Variants in ZDHHC21 observed in about 807,000 individuals in gnomAD.
ZDHHC21 encodes palmitoyltransferase ZDHHC21.
ZDHHC21 carries 15 observed loss-of-function variants against 34.6 expected under a neutral mutation model. The observed-to-expected ratio is 0.43, with a 90% CI of 0.29 to 0.67. The LOEUF is 0.67. Ranked by LOEUF, ZDHHC21 falls within the 30% of genes least tolerant of loss-of-function variation. The pLI is 0.14. For missense variants in ZDHHC21, 344 were observed against 327.7 expected (o/e 1.05, Z -0.38); for synonymous variants, 142 against 101.8 (o/e 1.40, Z -2.38).
At chr9:14,596,487 G>C in the ZDHHC21 span, among the ~76,000 whole-genome samples, 9 of 152,290 alleles carry the variant, frequency 5.9e-5, no homozygotes, top group African/African-American at 2.2e-4. Flanking sequence ...TGTGTTGTTG[G>C]CCACCTCTCC....
chr9:14,654,933 G>C (rs1831917977), intron 7 of ZDHHC21, among the ~76,000 whole-genome samples: 2 of 151,806 alleles, frequency 1.3e-5, no homozygotes, highest in Non-Finnish European at 2.9e-5. Context: ...ATTGAGCAGA[G>C]GTAATATTTG....
At chr9:14,596,665 A>T in the ZDHHC21 span, among the ~76,000 whole-genome samples, 1 of 152,186 alleles carries the variant, frequency 6.6e-6, no homozygotes, top group African/African-American at 2.4e-5. Flanking sequence ...CTATTGCTTC[A>T]TTCCTGGAAA....
chr9:14,614,838 T>C lies in ZDHHC21; in HGVS notation c.*4128A>G, dbSNP rs1268413915. 6.6e-6 allele frequency: 1 copy of C among 151,698 alleles called. No individual in the cohort carries two copies. Among genetic ancestry groups the C allele is most frequent in the East Asian group, 1.9e-4 (1 of 5,190 alleles). 9.4% of individuals were successfully genotyped at this position (151,698 alleles called of 1,614,324 possible). A position where few individuals can be genotyped will look rare whatever the true frequency, so the allele number is the denominator to read the frequency against. On this transcript the variant is annotated 3_prime_UTR_variant, in exon 10 of 10. Coordinates refer to ENST00000380916, the MANE Select transcript of ZDHHC21 (RefSeq NM_178566.6). Reference sequence around the variant, plus strand: ...TTGTATCTATTAGCAAACTACTCAATGTTTGTATGTGTGAATTTTATCAAA... The same window carrying C: ...TTGTATCTATTAGCAAACTACTCAACGTTTGTATGTGTGAATTTTATCAAA...
chr9:14,598,361 A>G, the ZDHHC21 span, among the ~76,000 whole-genome samples: 1 of 152,180 alleles, frequency 6.6e-6, no homozygotes, highest in Admixed American at 6.5e-5. Flanking sequence ...CACCCATAGA[A>G]ATAATACGAC....
chr9:14,607,499 G>T (rs943978373), downstream of ZDHHC21, among the ~76,000 whole-genome samples: 1 of 151,844 alleles, frequency 6.6e-6, no homozygotes, highest in African/African-American at 2.4e-5. Flanking sequence ...GAAGGAAGGG[G>T]AGTGCAATGA....
intron 7 of ZDHHC21, among the ~76,000 whole-genome samples, chr9:14,648,675 T>C (rs896197872): frequency 2.6e-5 from 4 of 152,120 alleles, no homozygotes; most frequent in African/African-American, 7.2e-5. Flanking sequence ...TCTTCTCTAA[T>C]TGGAACGTAA....
At chr9:14,640,112 T>C (rs1829063095) in intron 7 of ZDHHC21, 100 bp from the exon 8 acceptor site, 3 of 593,044 alleles carry the variant, frequency 5.1e-6, no homozygotes, top group East Asian at 2.7e-5. Context: ...ATCTTCCTTA[T>C]TATCTTAAAA....
chr9:14,683,706 C>T (rs1162379687), intron 2 of ZDHHC21: 4 of 152,244 alleles, frequency 2.6e-5, no homozygotes, highest in Non-Finnish European at 1.5e-5. Flanking sequence ...TTTTATGAGG[C>T]CAGCATCATC....
chr9:14,617,643 A>T lies in ZDHHC21; in HGVS notation c.*1323T>A, dbSNP rs894486420. 3.9e-5 allele frequency: 6 copies of T among 152,024 alleles called. No homozygotes were observed. The highest frequency in any genetic ancestry group is 1.4e-4 in the African/African-American group (6 of 41,440). 9.4% of individuals were successfully genotyped at this position (152,024 alleles called of 1,614,324 possible). ...GGGTTTTGCAGTATTCTAATGGAAA[A>T]AAACTAAAAGCTGAGTTTTTTTCAA... On this transcript the variant is annotated 3_prime_UTR_variant, in exon 10 of 10. Coordinates refer to ENST00000380916, the MANE Select transcript of ZDHHC21 (RefSeq NM_178566.6).
intron 3 of ZDHHC21, chr9:14,677,549 C>T (rs1206533367): frequency 6.6e-6 from 1 of 152,018 alleles, no homozygotes; most frequent in Non-Finnish European, 1.5e-5. Flanking sequence ...TCATAAAATA[C>T]TTTCATTAGC....
At chr9:14,665,193 TGAA>T (rs1378183938) in intron 5 of ZDHHC21, among the ~76,000 whole-genome samples, 1 of 136,208 alleles carries the variant, frequency 7.3e-6, no homozygotes, top group Non-Finnish European at 1.6e-5. Flanking sequence ...GAGAACTACG[TGAA>T]GAATGCAGAA....
the ZDHHC21 span, among the ~76,000 whole-genome samples, chr9:14,593,240 C>A: frequency 1.3e-5 from 2 of 151,894 alleles, no homozygotes; most frequent in African/African-American, 4.8e-5. Context: ...AATTGACAAA[C>A]CTTTAAGTAC....
chr9:14,633,375 C>G (rs745739349), intron 8 of ZDHHC21, among the ~76,000 whole-genome samples: 24 of 152,150 alleles, frequency 1.6e-4, no homozygotes, highest in Non-Finnish European at 3.4e-4. Context: ...AACATTCCCA[C>G]TGCAGACTCC....
chr9:14,632,417 C>A (rs1015967793), intron 8 of ZDHHC21, among the ~76,000 whole-genome samples: 1 of 151,630 alleles, frequency 6.6e-6, no homozygotes, highest in African/African-American at 2.4e-5. Context: ...AAAGATGGAC[C>A]CCTACTTCAC....
chr9:14,590,819 G>A, the ZDHHC21 span, among the ~76,000 whole-genome samples: 1 of 152,096 alleles, frequency 6.6e-6, no homozygotes, highest in African/African-American at 2.4e-5. Flanking sequence ...AAGAGCACCA[G>A]AAATGATAAA....
chr9:14,664,230 G>C (rs925533789), intron 5 of ZDHHC21, among the ~76,000 whole-genome samples: 2 of 152,152 alleles, frequency 1.3e-5, no homozygotes, highest in African/African-American at 4.8e-5. Flanking sequence ...CCCTTTCCGA[G>C]TCAAAGAAAG....
At chr9:14,671,292 CTCTCA>C (rs1835396249) in intron 5 of ZDHHC21, among the ~76,000 whole-genome samples, 1 of 151,998 alleles carries the variant, frequency 6.6e-6, no homozygotes, top group South Asian at 2.1e-4. Context: ...TTTTAAAAGA[CTCTCA>C]TTTTAAGGGA....
chr9:14,672,925 A>C lies in ZDHHC21; in HGVS notation c.158T>G (p.Phe53Cys). ...GHIPGILIII[F>C]YGISIFCLVA... Reference sequence around the variant, plus strand: ...CAGACAGAATATGGAAATGCCATAGAATACTTTAAAATAAATAAATTAAAT... The same window carrying C: ...CAGACAGAATATGGAAATGCCATAGCATACTTTAAAATAAATAAATTAAAT... Residue 53 changes from phenylalanine to cysteine, a missense_variant, in exon 5 of 10, where the codon TTC (phenylalanine) becomes TGC (cysteine). By Grantham distance (205) the Phe-to-Cys change is radical (BLOSUM62 -2). Transcript: ENST00000380916. The C allele has an allele frequency of 6.5e-7, 1 of 1,546,010 alleles. No homozygotes were observed. Among genetic ancestry groups the C allele is most frequent in the Non-Finnish European group, 8.8e-7 (1 of 1,136,036 alleles).
chr9:14,679,798 C>T (rs976126531), intron 3 of ZDHHC21, among the ~76,000 whole-genome samples: 19 of 152,072 alleles, frequency 1.2e-4, no homozygotes, highest in East Asian at 1.2e-3. Flanking sequence ...ATAAGACTTA[C>T]GATTCAGAAA....
Sources: allele counts gnomAD v4.1 joint callset (sites outside exome capture counted in the v4.1 genomes callset), GRCh38; gene constraint gnomAD v4.1.1; transcripts MANE v1.5; gene names NCBI Gene and HGNC (gene_info 2026-07-23, HGNC 2026-07-21).